ANKRD62: variants seen among roughly 807,000 people sequenced by gnomAD.
ANKRD62 encodes ankyrin repeat domain 62, also known as ankyrin repeat domain-containing protein 62.
Under a neutral mutation model 98.8 loss-of-function variants are expected in ANKRD62, and 61 were observed. The observed-to-expected ratio is 0.62, with a 90% CI of 0.50 to 0.76. ANKRD62 has a LOEUF of 0.76. Among genes scored for constraint, ANKRD62 ranks in the 30% least tolerant of loss-of-function variants. The probability of loss-of-function intolerance (pLI) is 0.00; values close to 1 mark genes in which losing one functional copy is unlikely to be tolerated. For missense variants in ANKRD62, 933 were observed against 1,082.9 expected (o/e 0.86, Z 1.94); for synonymous variants, 341 against 367.9 (o/e 0.93, Z 0.84).
the ANKRD62 span, among the ~76,000 whole-genome samples, chr18:12,150,373 A>C: frequency 6.6e-6 from 1 of 152,246 alleles, no homozygotes; most frequent in African/African-American, 2.4e-5. Flanking sequence ...ACAACTTGGA[A>C]AACCTATTTC....
chr18:12,150,091 A>G, the ANKRD62 span, among the ~76,000 whole-genome samples: 2 of 152,284 alleles, frequency 1.3e-5, no homozygotes, highest in Admixed American at 6.5e-5. Context: ...CCATAGGAAA[A>G]AAAAACACCA....
At chr18:12,107,854 G>T (rs1389661797) in intron 8 of ANKRD62, among the ~76,000 whole-genome samples, 1 of 152,106 alleles carries the variant, frequency 6.6e-6, no homozygotes. Context: ...CACACAAGCA[G>T]TTGAGGTCAT....
chr18:12,108,593 T>A (rs1253490679), intron 8 of ANKRD62, among the ~76,000 whole-genome samples: 1 of 152,158 alleles, frequency 6.6e-6, no homozygotes. Flanking sequence ...TCTCATGTCC[T>A]TTTCACATTT....
chr18:12,137,018 T>G, the ANKRD62 span, among the ~76,000 whole-genome samples: 2 of 152,152 alleles, frequency 1.3e-5, no homozygotes, highest in South Asian at 4.2e-4. Flanking sequence ...ACTCCCTCTT[T>G]CCTAATTGAA....
chr18:12,153,729 T>C, the ANKRD62 span, among the ~76,000 whole-genome samples: 1 of 151,852 alleles, frequency 6.6e-6, no homozygotes, highest in Non-Finnish European at 1.5e-5. Flanking sequence ...CTTCAAACTA[T>C]ACTACAGGGC....
At chr18:12,161,655 A>C in the ANKRD62 span, among the ~76,000 whole-genome samples, 1 of 151,974 alleles carries the variant, frequency 6.6e-6, no homozygotes, top group African/African-American at 2.4e-5. Flanking sequence ...CCCATTAACC[A>C]ACTCCCATCT....
intron 13 of ANKRD62, among the ~76,000 whole-genome samples, chr18:12,126,641 CATTT>C (rs1909899671): frequency 6.6e-6 from 1 of 152,140 alleles, no homozygotes; most frequent in South Asian, 2.1e-4. Context: ...TATAGACTAA[CATTT>C]ATAATGTAGT....
intron 8 of ANKRD62, among the ~76,000 whole-genome samples, chr18:12,109,950 C>CAAAAAA (rs10588166): frequency 2.4e-5 from 3 of 124,828 alleles, no homozygotes; most frequent in South Asian, 2.6e-4. Context: ...TCACTGTTAC[C>CAAAAAA]AAAAAAAAAA....
the ANKRD62 span, among the ~76,000 whole-genome samples, chr18:12,159,604 C>A: frequency 6.6e-6 from 1 of 152,144 alleles, no homozygotes; most frequent in African/African-American, 2.4e-5. Flanking sequence ...TGTTTGGTAG[C>A]AGTTGCCTGG....
chr18:12,097,402 A>G (rs975628779), intron 4 of ANKRD62, among the ~76,000 whole-genome samples: 9 of 152,206 alleles, frequency 5.9e-5, no homozygotes, highest in Non-Finnish European at 8.8e-5. Flanking sequence ...TATTTTATCA[A>G]CTTCTGCTAT....
intron 6 of ANKRD62, among the ~76,000 whole-genome samples, chr18:12,100,187 C>T (rs1241248508): frequency 6.6e-6 from 1 of 152,012 alleles, no homozygotes; most frequent in Non-Finnish European, 1.5e-5. Flanking sequence ...TTATTGTTGA[C>T]TAGAAACCTT....
At chr18:12,119,715 C>T (rs927290906) in intron 10 of ANKRD62, among the ~76,000 whole-genome samples, 3 of 151,488 alleles carry the variant, frequency 2.0e-5, no homozygotes, top group African/African-American at 4.8e-5. Flanking sequence ...GTTTTTTATC[C>T]CTCTGCTTGC....
At chr18:12,113,081 G>C (rs551172767) in intron 8 of ANKRD62, among the ~76,000 whole-genome samples, 57 of 152,230 alleles carry the variant, frequency 3.7e-4, no homozygotes, top group Non-Finnish European at 6.6e-4. Context: ...TTTTAGCAGA[G>C]ATGGGTTTTT....
the ANKRD62 span, among the ~76,000 whole-genome samples, chr18:12,169,920 G>A: frequency 6.6e-6 from 1 of 152,152 alleles, no homozygotes; most frequent in African/African-American, 2.4e-5. Flanking sequence ...TTTGCATAGA[G>A]GTGTTTATAG....
rs1909104122 is a variant in ANKRD62 at position 12,093,921 on chromosome 18, A to G, written c.-97A>G. ...ACGGAGGTTGCGGCTGGACCTGGTT[A>G]CGTGCTGGTGCTGCGCTCCAGAGAG... On this transcript the variant is annotated 5_prime_UTR_variant, in exon 1 of 14. Transcript: ENST00000587848. The G allele has an allele frequency of 1.7e-6, 2 of 1,208,528 alleles. No homozygotes were observed. The highest frequency in any genetic ancestry group is 5.2e-5 in the East Asian group (2 of 38,774). 74.9% of individuals were successfully genotyped at this position (1,208,528 alleles called of 1,614,324 possible). A position where few individuals can be genotyped will look rare whatever the true frequency, so the allele number is the denominator to read the frequency against.
At chr18:12,108,338 G>A (rs1443733742) in intron 8 of ANKRD62, among the ~76,000 whole-genome samples, 2 of 152,190 alleles carry the variant, frequency 1.3e-5, no homozygotes, top group Admixed American at 6.5e-5. Flanking sequence ...AGGCAAAGGA[G>A]AAGCAAGCAC....
the ANKRD62 span, among the ~76,000 whole-genome samples, chr18:12,154,467 A>G: frequency 6.6e-6 from 1 of 152,242 alleles, no homozygotes; most frequent in Non-Finnish European, 1.5e-5. Flanking sequence ...AAGGTTGTGG[A>G]GAAAAGGGAA....
chr18:12,131,100 G>A (rs1365123460), downstream of ANKRD62, among the ~76,000 whole-genome samples: 1 of 152,140 alleles, frequency 6.6e-6, no homozygotes, highest in Non-Finnish European at 1.5e-5. Context: ...GGTATCATGC[G>A]GGTGCTCAAA....
At chr18:12,159,710 C>CTAAG in the ANKRD62 span, among the ~76,000 whole-genome samples, 203 of 152,278 alleles carry the variant, frequency 1.3e-3, no homozygotes, top group Middle Eastern at 3.4e-3. Flanking sequence ...AGCACATGAG[C>CTAAG]TAAGCATAGA....
Sources: gnomAD v4.1 joint callset for allele counts (sites outside exome capture counted in the v4.1 genomes callset) on GRCh38, gnomAD v4.1.1 for gene constraint, MANE v1.5 for transcripts, NCBI Gene and HGNC (gene_info 2026-07-23, HGNC 2026-07-21) for gene names.